RNF213: variants seen among roughly 807,000 people sequenced by gnomAD.
The protein encoded by RNF213 is E3 ubiquitin-protein ligase RNF213.
In RNF213, 341 loss-of-function variants were observed where a neutral mutation model predicts 514.4. That is an observed-to-expected ratio of 0.66 (90% confidence interval 0.61 to 0.73). The LOEUF (loss-of-function observed/expected upper bound fraction) is 0.73, where lower values mean the gene tolerates loss of function less well. Ranked by LOEUF, RNF213 falls within the 30% of genes least tolerant of loss-of-function variation. The probability of loss-of-function intolerance (pLI) is 0.00; values close to 1 mark genes in which losing one functional copy is unlikely to be tolerated. For missense variants in RNF213, 5,767 were observed against 6,615.6 expected (o/e 0.87, Z 4.45); for synonymous variants, 2,655 against 2,658.2 (o/e 1.00, Z 0.04).
rs1314626816 is a variant in RNF213 at position 80,397,546 on chromosome 17, G to C, written c.*4048G>C. 3 of 152,076 alleles carry C rather than the reference G, an allele frequency of 2.0e-5. No individual in the cohort carries two copies. The East Asian group carries it at 5.9e-4, about 30-fold the overall frequency. The allele number at this position is 152,076 out of a possible 1,614,324, so 9.4% of individuals were successfully genotyped here. ...ACCGTGAAAATCCCTGTCCTGTTCT[G>C]TTCCGTTCTAATTACGGGTGCATGC... On this transcript the variant is annotated 3_prime_UTR_variant, in exon 68 of 68. Coordinates refer to ENST00000582970, the MANE Select transcript of RNF213 (RefSeq NM_001256071.3).
At chr17:80,379,584 T>A (rs1280579376) in intron 54 of RNF213, 36 bp from the exon 55 acceptor site, 1 of 1,580,998 alleles carries the variant, frequency 6.3e-7, no homozygotes, top group African/African-American at 1.3e-5. Flanking sequence ...ATGGTACTGC[T>A]CCAGAAGTGG....
At chr17:80,362,984 G>A in intron 39 of RNF213, 118 bp from the exon 40 acceptor site, 2 of 977,628 alleles carry the variant, frequency 2.0e-6, no homozygotes, top group Non-Finnish European at 1.6e-6. Flanking sequence ...GGACAGAATA[G>A]CACACATGGT....
At chr17:80,278,886 C>G in intron 3 of RNF213, 1 of 1,537,180 alleles carries the variant, frequency 6.5e-7, no homozygotes, top group South Asian at 1.2e-5. Flanking sequence ...AGGCCGCCAG[C>G]GTGCCTTCTG....
chr17:80,275,903 C>A (rs1174152868), intron 3 of RNF213, among the ~76,000 whole-genome samples: 1 of 151,202 alleles, frequency 6.6e-6, no homozygotes, highest in Non-Finnish European at 1.5e-5. Context: ...ACCTTGTGAT[C>A]CACCCGCCTC....
At chr17:80,268,523 C>T (rs1598880165) in intron 2 of RNF213, among the ~76,000 whole-genome samples, 2 of 152,026 alleles carry the variant, frequency 1.3e-5, no homozygotes, top group Non-Finnish European at 2.9e-5. Flanking sequence ...AATGAATGAT[C>T]GTAAGCTTAA....
chr17:80,345,323 G>A lies in RNF213; in HGVS notation c.6988G>A (p.Val2330Ile), dbSNP rs755030173. 6 of 1,613,970 alleles carry A rather than the reference G, an allele frequency of 3.7e-6. No individual in the cohort carries two copies. The highest frequency in any genetic ancestry group is 5.1e-6 in the Non-Finnish European group (6 of 1,180,036). ...TCTGCAGCCCAACATCAACGGCAGT[G>A]TCGATGCCATCAGTCACTTGACTGG... Reference protein sequence around the residue: ...FHLQPNINGSVDAISHLTGKV... With the variant: ...FHLQPNINGSIDAISHLTGKV... Residue 2330 changes from valine to isoleucine, a missense_variant, in exon 29 of 68, where the codon GTC becomes ATC. Val to Ile is a conservative substitution (Grantham distance 29). Coordinates refer to ENST00000582970, the MANE Select transcript of RNF213 (RefSeq NM_001256071.3). This position sits in a 1 kb window ranked among gnomAD's most constrained non-coding sequence, Gnocchi z 6.0.
intron 3 of RNF213, among the ~76,000 whole-genome samples, chr17:80,281,218 C>CAA (rs2044252486): frequency 9.3e-6 from 1 of 107,754 alleles, no homozygotes; most frequent in Admixed American, 9.5e-5. Flanking sequence ...ACACACACCC[C>CAA]CACACACACC....
At chr17:80,286,814 A>G (rs1405210561) in intron 3 of RNF213, among the ~76,000 whole-genome samples, 1 of 152,020 alleles carries the variant, frequency 6.6e-6, no homozygotes, top group Non-Finnish European at 1.5e-5. Context: ...CGCACCCCTG[A>G]GTACTGCCCC....
In RNF213 at chr17:80,396,825, G is replaced by A. The variant is rs2080675830; in HGVS notation, c.*3327G>A. 1 of 151,128 alleles carries A rather than the reference G, an allele frequency of 6.6e-6. No homozygotes were observed. The highest frequency in any genetic ancestry group is 1.5e-5 in the Non-Finnish European group (1 of 67,944). The allele number at this position is 151,128 out of a possible 1,614,324, so 9.4% of individuals were successfully genotyped here. A position where few individuals can be genotyped will look rare whatever the true frequency, so the allele number is the denominator to read the frequency against. The stretch of plus-strand genomic sequence containing the variant: ...TGCTGGGGATAGCCCTTTTGAGGAG[G>A]TGGGGGTGTATGCGAAAGCAACCTG... On this transcript the variant is annotated 3_prime_UTR_variant, in exon 68 of 68. Transcript: ENST00000582970.
chr17:80,361,649 C>G, intron 38 of RNF213, 85 bp from the exon 39 acceptor site: 1 of 1,499,980 alleles, frequency 6.7e-7, no homozygotes, highest in Admixed American at 1.7e-5. Context: ...CGTCCCCATT[C>G]CCCTTCACTC....
At chr17:80,391,687 G>A (rs568639753) in intron 67 of RNF213, among the ~76,000 whole-genome samples, 1 of 148,348 alleles carries the variant, frequency 6.7e-6, no homozygotes, top group African/African-American at 2.5e-5. Context: ...AAATCTGACA[G>A]AATTTTCCTA....
intron 15 of RNF213, chr17:80,316,412 C>T (rs1208378609): frequency 6.6e-6 from 1 of 152,216 alleles, no homozygotes; most frequent in Non-Finnish European, 1.5e-5. Context: ...AAACTGTCAA[C>T]ATGTTAAAAG....
intron 11 of RNF213, among the ~76,000 whole-genome samples, chr17:80,302,270 G>A (rs995627732): frequency 6.6e-6 from 1 of 152,162 alleles, no homozygotes; most frequent in African/African-American, 2.4e-5. Context: ...AGCTGGAAGA[G>A]TGGAGTTTGA....
At position 80,347,007 on chromosome 17, in the gene RNF213, C is replaced by T; in HGVS notation, c.8672C>T (p.Pro2891Leu). ...GGCATCTCCAACTGGGCCCTTGACC[C>T]TGCCAAGATGAACCGGGGCATTTTT... ...FVGISNWALD[P>L]AKMNRGIFVS... is the part of the protein sequence containing the mutation. Residue 2891 changes from proline to leucine, a missense_variant, in exon 29 of 68, where the codon CCT (proline) becomes CTT (leucine). By Grantham distance (98) the Pro-to-Leu change is moderately conservative. Around this residue, in one of 13 missense-constraint regions of RNF213, gnomAD observed 919 missense variants for 1,121.0 expected, o/e 0.82. Coordinates refer to ENST00000582970, the MANE Select transcript of RNF213 (RefSeq NM_001256071.3). This position sits in a 1 kb window ranked among gnomAD's most constrained non-coding sequence, Gnocchi z 7.2. 1 of 1,613,940 alleles carries T rather than the reference C, an allele frequency of 6.2e-7. No individual in the cohort carries two copies.
At chr17:80,282,152 C>T (rs992529381) in intron 3 of RNF213, among the ~76,000 whole-genome samples, 2 of 152,168 alleles carry the variant, frequency 1.3e-5, no homozygotes, top group African/African-American at 4.8e-5. Flanking sequence ...CCACTGAGGC[C>T]GGCCCCCGAC....
In RNF213 at chr17:80,302,117, C is replaced by T. The variant is rs111270912; in HGVS notation, c.2210+3599C>T. On this transcript the variant is annotated intron_variant, in intron 11 of 67. Transcript: ENST00000582970. ...GAAGGAGAGAGTAGAATAGTAGTTA[C>T]GAGAGGCGAGGAAGGATGGGGAGAG... Among the ~76,000 whole-genome samples the T allele has an allele frequency of 6.1e-3, 928 of 152,164 alleles. 15 individuals carry two copies. Among genetic ancestry groups the T allele is most frequent in the African/African-American group, 0.021 (874 of 41,512 alleles).
chr17:80,295,659 C>T lies in RNF213; in HGVS notation c.1858C>T (p.Leu620=). 6.2e-7 allele frequency: 1 copy of T among 1,614,098 alleles called. No homozygotes were observed. The highest frequency in any genetic ancestry group is 8.5e-7 in the Non-Finnish European group (1 of 1,180,002). The change falls in exon 10 of 68, where the codon CTG becomes TTG. Residue 620 remains leucine (L), a synonymous_variant. Coordinates refer to ENST00000582970, the MANE Select transcript of RNF213 (RefSeq NM_001256071.3). ...TGTGGACTGCCCAGTGAGGAGTAAA[C>T]TGAAAACAGGCCTGATTGTCCTTTT... ...LPVDCPVRSK[L]KTGLIVLFVV...
chr17:80,351,515 G>T (rs560873261), intron 31 of RNF213, among the ~76,000 whole-genome samples, 170 bp from the exon 32 acceptor site: 3 of 152,234 alleles, frequency 2.0e-5, no homozygotes, highest in Non-Finnish European at 4.4e-5. Flanking sequence ...AATCACGATC[G>T]CAGGGCTCTG....
At chr17:80,290,458 C>G in intron 6 of RNF213, 112 bp from the exon 7 acceptor site, 1 of 1,289,142 alleles carries the variant, frequency 7.8e-7, no homozygotes, top group Non-Finnish European at 1.1e-6. Context: ...TGTGCGAGTG[C>G]ATGTGTGTGT....
Sources: allele counts gnomAD v4.1 joint callset (sites outside exome capture counted in the v4.1 genomes callset), GRCh38; gene constraint gnomAD v4.1.1; regional missense constraint gnomAD v4.1.1; non-coding constraint Gnocchi (gnomAD v3.1); transcripts MANE v1.5; gene names NCBI Gene and HGNC (gene_info 2026-07-23, HGNC 2026-07-21).